SCFD2: variants seen among roughly 807,000 people sequenced by gnomAD.
SCFD2 encodes sec1 family domain containing 2.
In SCFD2, 54 loss-of-function variants were observed where a neutral mutation model predicts 58.9. That is an observed-to-expected ratio of 0.92 (90% CI 0.74 to 1.15). The LOEUF (loss-of-function observed/expected upper bound fraction) is 1.15, where lower values mean the gene tolerates loss of function less well. Ranked by LOEUF, SCFD2 falls within the 50% of genes most tolerant of loss-of-function variation. SCFD2 has a pLI of 0.00. For synonymous variants in SCFD2, 321 were observed against 335.9 expected, an observed-to-expected ratio of 0.96 and a Z score of 0.49; for missense variants, 805 against 836.6, an observed-to-expected ratio of 0.96 and a Z score of 0.47.
At chr4:53,148,478 C>T (rs1726404534) in intron 4 of SCFD2, among the ~76,000 whole-genome samples, 1 of 152,166 alleles carries the variant, frequency 6.6e-6, no homozygotes, top group Admixed American at 6.5e-5. Flanking sequence ...GTGGAATAAA[C>T]AGACTCTATT....
chr4:53,212,610 A>G (rs1035984995), intron 4 of SCFD2, among the ~76,000 whole-genome samples: 4 of 112,854 alleles, frequency 3.5e-5, no homozygotes, highest in South Asian at 6.3e-4. Flanking sequence ...GTGTGTGTGC[A>G]TGTGGTGTCT....
intron 5 of SCFD2, among the ~76,000 whole-genome samples, chr4:53,083,555 A>G (rs193179183): frequency 1.4e-4 from 22 of 152,346 alleles, no homozygotes; most frequent in Admixed American, 1.4e-3. Flanking sequence ...CTTCAACAAG[A>G]TACTAGCAAA....
chr4:53,011,725 A>C (rs531191413), intron 5 of SCFD2, among the ~76,000 whole-genome samples: 2 of 152,214 alleles, frequency 1.3e-5, no homozygotes, highest in Non-Finnish European at 2.9e-5. Flanking sequence ...CAAAGCTGGA[A>C]GACACCTCAC....
chr4:52,897,036 T>C (rs1446285812), intron 7 of SCFD2, among the ~76,000 whole-genome samples: 1 of 152,260 alleles, frequency 6.6e-6, no homozygotes, highest in Non-Finnish European at 1.5e-5. Context: ...AAGTTACTTA[T>C]CAGCTGAAGG....
intron 4 of SCFD2, among the ~76,000 whole-genome samples, chr4:53,190,823 C>A (rs1003193833): frequency 6.8e-6 from 1 of 146,834 alleles, no homozygotes; most frequent in Admixed American, 6.6e-5. Flanking sequence ...ATTTTCCAAT[C>A]AAATAAACTA....
chr4:52,999,834 A>G (rs761829274), intron 5 of SCFD2, among the ~76,000 whole-genome samples: 1 of 152,200 alleles, frequency 6.6e-6, no homozygotes, highest in Non-Finnish European at 1.5e-5. Context: ...GAGAGTCTAA[A>G]GAGGTGTCAG....
chr4:53,264,089 T>A (rs1218606935), intron 4 of SCFD2, among the ~76,000 whole-genome samples: 1 of 152,088 alleles, frequency 6.6e-6, no homozygotes, highest in Non-Finnish European at 1.5e-5. Flanking sequence ...AAGCCGGCAG[T>A]CTCAGGCTTC....
intron 1 of SCFD2, among the ~76,000 whole-genome samples, chr4:53,358,761 T>C (rs1200224020): frequency 6.6e-6 from 1 of 152,182 alleles, no homozygotes; most frequent in Admixed American, 6.5e-5. Context: ...ATCAAGTCTC[T>C]TTTTTAATTG....
chr4:53,189,725 T>C (rs752662843), intron 4 of SCFD2, among the ~76,000 whole-genome samples: 5 of 152,168 alleles, frequency 3.3e-5, no homozygotes, highest in Non-Finnish European at 7.4e-5. Flanking sequence ...AAACATTCAG[T>C]GCATAGCACT....
At chr4:52,906,756 T>C (rs1423892755) in intron 7 of SCFD2, among the ~76,000 whole-genome samples, 1 of 152,220 alleles carries the variant, frequency 6.6e-6, no homozygotes, top group Non-Finnish European at 1.5e-5. Flanking sequence ...AAAGATGCTT[T>C]GATGCTGGCA....
At chr4:53,192,504 T>C (rs1029596320) in intron 4 of SCFD2, among the ~76,000 whole-genome samples, 1 of 152,224 alleles carries the variant, frequency 6.6e-6, no homozygotes, top group Non-Finnish European at 1.5e-5. Context: ...GCAACTTTTC[T>C]GTAAACATAA....
chr4:53,298,140 G>T (rs962886877), intron 3 of SCFD2, among the ~76,000 whole-genome samples: 1 of 152,152 alleles, frequency 6.6e-6, no homozygotes, highest in Non-Finnish European at 1.5e-5. Context: ...GCCGAAGCAG[G>T]GCGAGGCATC....
chr4:53,156,008 G>A (rs1201046008), intron 4 of SCFD2, among the ~76,000 whole-genome samples: 6 of 152,290 alleles, frequency 3.9e-5, no homozygotes, highest in Admixed American at 2.6e-4. Flanking sequence ...ACTAATAGTC[G>A]CTGAATTCTT....
At chr4:52,950,456 G>C (rs1018766240) in intron 5 of SCFD2, 7 of 152,214 alleles carry the variant, frequency 4.6e-5, no homozygotes, top group African/African-American at 1.7e-4. Flanking sequence ...GGGGGAGAGA[G>C]AGAGAATGCT....
At chr4:53,007,305 GGAGAGAGA>G (rs147645284) in intron 5 of SCFD2, among the ~76,000 whole-genome samples, 2 of 66,072 alleles carry the variant, frequency 3.0e-5, no homozygotes, top group African/African-American at 6.2e-5. Context: ...AGAGGGAGAG[GGAGAGAGA>G]GAGAGAGAGA....
intron 5 of SCFD2, among the ~76,000 whole-genome samples, chr4:52,990,103 T>C (rs554586297): frequency 6.6e-6 from 1 of 152,370 alleles, no homozygotes; most frequent in East Asian, 1.9e-4. Flanking sequence ...AAATGTAACA[T>C]GCTCATTTAC....
chr4:53,305,650 C>A (rs999591186), intron 3 of SCFD2, among the ~76,000 whole-genome samples: 2 of 152,076 alleles, frequency 1.3e-5, no homozygotes, highest in Non-Finnish European at 2.9e-5. Context: ...TTATTATTAT[C>A]TCAATATGAA....
chr4:53,309,803 C>T (rs1429539706), intron 3 of SCFD2, among the ~76,000 whole-genome samples: 2 of 152,094 alleles, frequency 1.3e-5, no homozygotes, highest in South Asian at 2.1e-4. Flanking sequence ...TTTAGTTTCC[C>T]GTGCAGATGT....
intron 5 of SCFD2, among the ~76,000 whole-genome samples, chr4:53,101,612 T>C (rs74830015): frequency 0.034 from 5,233 of 152,240 alleles, 118 homozygotes; most frequent in Admixed American, 0.065. Context: ...TTAAAAGATA[T>C]AATGGTAGAG....
Sources: gnomAD v4.1 joint callset for allele counts (sites outside exome capture counted in the v4.1 genomes callset) on GRCh38, gnomAD v4.1.1 for gene constraint, MANE v1.5 for transcripts, NCBI Gene and HGNC (gene_info 2026-07-23, HGNC 2026-07-21) for gene names.